Variants in ANKRD55 observed in about 807,000 individuals in gnomAD.
The protein encoded by ANKRD55 is ankyrin repeat domain 55.
A neutral mutation model predicts 60.6 loss-of-function variants in ANKRD55; 41 were observed. The ratio of observed to expected loss-of-function variants is 0.68; its 90% CI spans 0.53 to 0.88. ANKRD55 has a LOEUF of 0.88. Ranked by LOEUF, ANKRD55 falls within the 40% of genes least tolerant of loss-of-function variation. The probability of loss-of-function intolerance (pLI) is 0.00; values close to 1 mark genes in which losing one functional copy is unlikely to be tolerated. For missense variants in ANKRD55, 732 were observed against 767.6 expected (o/e 0.95, Z 0.55); for synonymous variants, 264 against 290.3 (o/e 0.91, Z 0.92).
intron 5 of ANKRD55, among the ~76,000 whole-genome samples, chr5:56,169,903 C>T (rs1030193403): frequency 6.6e-6 from 1 of 152,208 alleles, no homozygotes; most frequent in Non-Finnish European, 1.5e-5. Flanking sequence ...CTGTTAGCAA[C>T]TGCTCTGAGG....
chr5:56,192,960 C>T (rs1759136975), intron 2 of ANKRD55: 2 of 689,494 alleles, frequency 2.9e-6, no homozygotes, highest in Admixed American at 2.6e-5. Flanking sequence ...AAAACCAAAG[C>T]AGGCAGAGAT....
At chr5:56,114,847 C>T (rs911939727) in intron 9 of ANKRD55, among the ~76,000 whole-genome samples, 2 of 152,084 alleles carry the variant, frequency 1.3e-5, no homozygotes, top group African/African-American at 4.8e-5. Context: ...TTTCCAACTA[C>T]GTATTTATAT....
chr5:56,171,235 A>G (rs943062229), intron 4 of ANKRD55, among the ~76,000 whole-genome samples: 5 of 152,140 alleles, frequency 3.3e-5, no homozygotes, highest in South Asian at 4.1e-4. Flanking sequence ...CTCCACTGCA[A>G]TGGCTGGGAC....
At chr5:56,124,999 T>G (rs7712572) in intron 8 of ANKRD55, among the ~76,000 whole-genome samples, 8,570 of 152,242 alleles carry the variant, frequency 0.056, 867 homozygotes, top group African/African-American at 0.2. Context: ...ATCTTTGTAC[T>G]TTCTTTTTTC....
chr5:56,211,136 G>A (rs189014287), intron 2 of ANKRD55, among the ~76,000 whole-genome samples: 85 of 152,286 alleles, frequency 5.6e-4, no homozygotes, highest in Non-Finnish European at 1.0e-3. Flanking sequence ...TTCTAGAATT[G>A]TTGGTAGCAC....
chr5:56,105,674 G>A (rs767578356), intron 10 of ANKRD55, among the ~76,000 whole-genome samples: 23 of 152,160 alleles, frequency 1.5e-4, no homozygotes, highest in Non-Finnish European at 2.5e-4. Context: ...TGACCATGCC[G>A]TGAGGTCTGA....
chr5:56,148,232 C>A (rs1234034675), intron 6 of ANKRD55, among the ~76,000 whole-genome samples: 2 of 152,202 alleles, frequency 1.3e-5, no homozygotes, highest in African/African-American at 4.8e-5. Flanking sequence ...GGAGACCTTT[C>A]CAACCAGTTA....
intron 7 of ANKRD55, among the ~76,000 whole-genome samples, chr5:56,132,749 C>G (rs1002506680): frequency 6.6e-5 from 10 of 152,046 alleles, no homozygotes; most frequent in Non-Finnish European, 1.0e-4. Context: ...AAATAAGACC[C>G]AACTATATGT....
In ANKRD55 at chr5:56,121,782, G is replaced by A. The variant is rs539677652; in HGVS notation, c.798-5000C>T. ...TATAGAGGCTCCCAACAAGAAGGTC[G>A]AATAAATTGGTACTTTTGTGATACT... On this transcript the variant is annotated intron_variant, in intron 8 of 11. Transcript: ENST00000341048. Among the ~76,000 whole-genome samples, 10 of 152,258 alleles carry A rather than the reference G, an allele frequency of 6.6e-5. No individual in the cohort carries two copies. The East Asian group carries it at 9.6e-4, about 15-fold the overall frequency.
At chr5:56,151,455 AATAAC>A (rs1758041364) in intron 6 of ANKRD55, among the ~76,000 whole-genome samples, 2 of 152,168 alleles carry the variant, frequency 1.3e-5, no homozygotes, top group African/African-American at 2.4e-5. Context: ...CATAAAATAA[AATAAC>A]ATGACTTTTT....
At chr5:56,182,269 A>T (rs538685165) in intron 3 of ANKRD55, among the ~76,000 whole-genome samples, 1 of 152,214 alleles carries the variant, frequency 6.6e-6, no homozygotes, top group South Asian at 2.1e-4. Flanking sequence ...CAATTTCCTA[A>T]TTATAGGGCT....
chr5:56,158,509 G>A (rs1263723092), intron 6 of ANKRD55, among the ~76,000 whole-genome samples: 1 of 152,216 alleles, frequency 6.6e-6, no homozygotes, highest in Non-Finnish European at 1.5e-5. Flanking sequence ...CTCTTGGACA[G>A]CTCTGCTTAG....
At position 56,187,821 on chromosome 5, in the gene ANKRD55, G is replaced by A. The variant is rs548518669; in HGVS notation, c.59-4187C>T. On this transcript the variant is annotated intron_variant, in intron 2 of 11. Transcript: ENST00000341048. ...CCCAAGATTCCATTTCTTGGAATAC[G>A]TGAGGCCAAGAACCCCAGGTCAGAT... Among the ~76,000 whole-genome samples the A allele has an allele frequency of 4.6e-5, 7 of 152,308 alleles. No homozygotes were observed. In the South Asian group the frequency reaches 1.0e-3, roughly 23 times the overall value.
At position 56,119,343 on chromosome 5, in the gene ANKRD55, C is replaced by T. The variant is rs373115622; in HGVS notation, c.798-2561G>A. Among the ~76,000 whole-genome samples, 12 of 152,288 alleles carry T rather than the reference C, an allele frequency of 7.9e-5. No homozygotes were observed. The East Asian group carries it at 9.6e-4, about 12-fold the overall frequency. Reference sequence around the variant, plus strand: ...AAATAAATCAGTCTCAAAGGATGACCTACTGTATATTTCCGCTTACATGAC... The same window carrying T: ...AAATAAATCAGTCTCAAAGGATGACTTACTGTATATTTCCGCTTACATGAC... On this transcript the variant is annotated intron_variant, in intron 8 of 11. Coordinates refer to ENST00000341048, the MANE Select transcript of ANKRD55 (RefSeq NM_024669.3).
intron 8 of ANKRD55, among the ~76,000 whole-genome samples, chr5:56,122,552 G>A (rs1015257362): frequency 5.3e-5 from 8 of 151,790 alleles, no homozygotes; most frequent in Admixed American, 2.0e-4. Context: ...CCAGCTACTC[G>A]GGAGGCTGAG....
chr5:56,217,827 C>T (rs1336604619), intron 2 of ANKRD55, among the ~76,000 whole-genome samples: 1 of 149,756 alleles, frequency 6.7e-6, no homozygotes, highest in African/African-American at 2.5e-5. Flanking sequence ...ACCCAGGCGG[C>T]AGAACTTGCA....
chr5:56,232,455 AT>A (rs772169622), intron 2 of ANKRD55, among the ~76,000 whole-genome samples: 5 of 152,244 alleles, frequency 3.3e-5, no homozygotes, highest in Non-Finnish European at 7.3e-5. Flanking sequence ...GACAAAAAAA[AT>A]GTGATGTGTT....
At chr5:56,225,910 G>A (rs186721847) in intron 2 of ANKRD55, among the ~76,000 whole-genome samples, 138 of 152,266 alleles carry the variant, frequency 9.1e-4, no homozygotes, top group African/African-American at 3.2e-3. Context: ...TACTGCCCAA[G>A]GTAATTTATA....
At chr5:56,210,560 CA>C (rs59566826) in intron 2 of ANKRD55, among the ~76,000 whole-genome samples, 1,882 of 65,282 alleles carry the variant, frequency 0.029, 5 homozygotes, top group Middle Eastern at 0.045. Flanking sequence ...GACTACGTCT[CA>C]AAAAAAAAAA....
Sources: gnomAD v4.1 joint callset for allele counts (sites outside exome capture counted in the v4.1 genomes callset) on GRCh38, gnomAD v4.1.1 for gene constraint, MANE v1.5 for transcripts, NCBI Gene and HGNC (gene_info 2026-07-23, HGNC 2026-07-21) for gene names.